The following PTPN4 variants were observed in gnomAD, a reference collection of about 807,000 sequenced individuals.
PTPN4 encodes the protein protein tyrosine phosphatase non-receptor type 4, also known as tyrosine-protein phosphatase non-receptor type 4.
A neutral mutation model predicts 135.5 loss-of-function variants in PTPN4; 49 were observed. The observed-to-expected ratio is 0.36, with a 90% confidence interval of 0.29 to 0.46. PTPN4 has a LOEUF of 0.46. PTPN4 is among the 20% of genes least tolerant of loss of function. The pLI is 1.00. For synonymous variants in PTPN4, 333 were observed against 369.9 expected (o/e 0.90, Z 1.14); for missense variants, 860 against 1,101.0 (o/e 0.78, Z 3.10).
intron 14 of PTPN4, among the ~76,000 whole-genome samples, chr2:119,933,952 A>G (rs1267931147): frequency 3.3e-5 from 5 of 152,192 alleles, no homozygotes; most frequent in African/African-American, 1.2e-4. Context: ...CTTTTGCACA[A>G]ACAGCCATTT....
intron 1 of PTPN4, among the ~76,000 whole-genome samples, chr2:119,769,769 A>C (rs1281314345): frequency 6.6e-6 from 1 of 152,254 alleles, no homozygotes; most frequent in African/African-American, 2.4e-5. Flanking sequence ...TGGGTAAGCA[A>C]AACTAATTAG....
At chr2:119,854,431 A>G (rs186092751) in intron 2 of PTPN4, among the ~76,000 whole-genome samples, 2 of 152,326 alleles carry the variant, frequency 1.3e-5, no homozygotes, top group East Asian at 3.9e-4. Context: ...TAATTTCTTA[A>G]TAACTCCCGT....
intron 12 of PTPN4, among the ~76,000 whole-genome samples, chr2:119,925,166 T>TTTATG (rs1678802986): frequency 1.3e-5 from 2 of 152,144 alleles, no homozygotes; most frequent in African/African-American, 4.8e-5. Flanking sequence ...ATGCTCTTTC[T>TTTATG]CACTATACCC....
At chr2:119,812,383 A>G (rs1191289712) in intron 2 of PTPN4, among the ~76,000 whole-genome samples, 1 of 152,298 alleles carries the variant, frequency 6.6e-6, no homozygotes, top group Non-Finnish European at 1.5e-5. Flanking sequence ...ACTACCAGGC[A>G]TTGGAGTCAT....
chr2:119,866,849 T>G (rs918592019), intron 3 of PTPN4, among the ~76,000 whole-genome samples: 1 of 152,168 alleles, frequency 6.6e-6, no homozygotes, highest in African/African-American at 2.4e-5. Context: ...CTCTTATCTA[T>G]TCATATGTTT....
chr2:119,869,138 A>G (rs1298480860), intron 3 of PTPN4, among the ~76,000 whole-genome samples: 3 of 152,234 alleles, frequency 2.0e-5, no homozygotes, highest in African/African-American at 7.2e-5. Flanking sequence ...CTGTGTATCT[A>G]TAGAGTAGAA....
intron 10 of PTPN4, among the ~76,000 whole-genome samples, chr2:119,911,052 C>T (rs905056159): frequency 6.6e-6 from 1 of 152,104 alleles, no homozygotes; most frequent in African/African-American, 2.4e-5. Context: ...ACCTTTTGAA[C>T]ATTAGAACTC....
Position 119,905,009 on chromosome 2 carries a change from A to G in PTPN4, c.764+4203A>G, listed in dbSNP as rs551683264. On this transcript the variant is annotated intron_variant, in intron 10 of 26. Transcript: ENST00000263708. Reference sequence around the variant, plus strand: ...AGATATATCTAGAGTAGATGAGAAAAAGAAAGGAGTCAAAGGTTATTACTA... The same window carrying G: ...AGATATATCTAGAGTAGATGAGAAAGAGAAAGGAGTCAAAGGTTATTACTA... 6.0e-5 allele frequency among the ~76,000 whole-genome samples: 9 copies of G among 149,774 alleles called. 1 individual carries two copies. The South Asian group carries it at 1.9e-3, about 32-fold the overall frequency.
chr2:119,916,343 T>C (rs1203164281), intron 11 of PTPN4: 1 of 152,128 alleles, frequency 6.6e-6, no homozygotes, highest in African/African-American at 2.4e-5. Flanking sequence ...TAGTCCAGCA[T>C]GGGCAACAGA....
At chr2:119,889,920 T>A (rs1332003574) in intron 9 of PTPN4, among the ~76,000 whole-genome samples, 1 of 152,192 alleles carries the variant, frequency 6.6e-6, no homozygotes, top group East Asian at 1.9e-4. Flanking sequence ...TGTTGAGACT[T>A]GTTTTGTGGC....
chr2:119,915,163 A>G lies in PTPN4; in HGVS notation c.765-16A>G. 1 of 1,506,092 alleles carries G rather than the reference A, an allele frequency of 6.6e-7. No homozygotes were observed. The highest frequency in any genetic ancestry group is 8.9e-7 in the Non-Finnish European group (1 of 1,122,602). 93.3% of individuals were successfully genotyped at this position (1,506,092 alleles called of 1,614,324 possible). On this transcript the variant is annotated splice_polypyrimidine_tract_variant and intron_variant, in intron 10 of 26. Coordinates refer to ENST00000263708, the MANE Select transcript of PTPN4 (RefSeq NM_002830.4). ...CATTATTCAATACTTTGAATAATTT[A>G]TTGTCTTTTGTCCAGGTTGAAGATT...
At position 119,981,249 on chromosome 2, in the gene PTPN4, G is replaced by A. The variant is rs970222372; in HGVS notation, c.*4179G>A. 5 of 151,966 alleles carry A rather than the reference G, an allele frequency of 3.3e-5. No homozygotes were observed. Among genetic ancestry groups the A allele is most frequent in the Non-Finnish European group, 7.4e-5 (5 of 67,928 alleles). The allele number at this position is 151,966 out of a possible 1,614,324, so 9.4% of individuals were successfully genotyped here. ...TTGGAATAAAAATCTCAATGTAATAGGACATAGATAAATTATGCAACAGCC... is the reference window on the plus strand; with the variant it reads ...TTGGAATAAAAATCTCAATGTAATAAGACATAGATAAATTATGCAACAGCC... On this transcript the variant is annotated 3_prime_UTR_variant, in exon 27 of 27. Coordinates refer to ENST00000263708, the MANE Select transcript of PTPN4 (RefSeq NM_002830.4).
At position 119,974,302 on chromosome 2, in the gene PTPN4, C is replaced by T. The variant is rs181573525; in HGVS notation, c.2695-2682C>T. On this transcript the variant is annotated intron_variant, in intron 26 of 26. Coordinates refer to ENST00000263708, the MANE Select transcript of PTPN4 (RefSeq NM_002830.4). ...TCTTGGCTCACTGCAACCTCCGCCT[C>T]CCAGGTTCAAGCAATTCTCCTGCCT... Among the ~76,000 whole-genome samples, 27 of 152,290 alleles carry T rather than the reference C, an allele frequency of 1.8e-4. No homozygotes were observed. In the East Asian group the frequency reaches 4.8e-3, roughly 27 times the overall value.
At chr2:119,844,625 G>T (rs987824189) in intron 2 of PTPN4, among the ~76,000 whole-genome samples, 3,013 of 150,878 alleles carry the variant, frequency 0.02, 45 homozygotes, top group Non-Finnish European at 0.031. Flanking sequence ...GGGCAGCGGG[G>T]CAGAGGCGCT....
chr2:119,937,825 A>C (rs1219509605), intron 15 of PTPN4, among the ~76,000 whole-genome samples: 1 of 152,106 alleles, frequency 6.6e-6, no homozygotes, highest in Non-Finnish European at 1.5e-5. Context: ...CAGCTTACTC[A>C]GGAGGCTGAG....
chr2:119,761,428 T>C (rs1319461757), intron 1 of PTPN4, among the ~76,000 whole-genome samples: 1 of 152,210 alleles, frequency 6.6e-6, no homozygotes, highest in Non-Finnish European at 1.5e-5. Flanking sequence ...CTTAATGGAA[T>C]AGAGCTAGGT....
At chr2:119,812,027 A>G (rs1488153303) in intron 2 of PTPN4, among the ~76,000 whole-genome samples, 1 of 152,128 alleles carries the variant, frequency 6.6e-6, no homozygotes, top group African/African-American at 2.4e-5. Flanking sequence ...CAGGTCATCA[A>G]AAAACTTAAG....
At chr2:119,784,744 C>A (rs1427011565) in intron 1 of PTPN4, among the ~76,000 whole-genome samples, 1 of 124,026 alleles carries the variant, frequency 8.1e-6, no homozygotes, top group African/African-American at 3.2e-5. Context: ...TGCTGTATTG[C>A]CCAGGGTGGT....
intron 2 of PTPN4, among the ~76,000 whole-genome samples, chr2:119,839,302 CATA>C (rs1677344877): frequency 6.6e-6 from 1 of 152,178 alleles, no homozygotes; most frequent in African/African-American, 2.4e-5. Context: ...GTTTCTGACA[CATA>C]GTAGATGCTC....
Sources: gnomAD v4.1 joint callset for allele counts (sites outside exome capture counted in the v4.1 genomes callset) on GRCh38, gnomAD v4.1.1 for gene constraint, MANE v1.5 for transcripts, NCBI Gene and HGNC (gene_info 2026-07-23, HGNC 2026-07-21) for gene names.